Variants in AUTS2 observed in about 807,000 individuals in gnomAD.
The protein encoded by AUTS2 is activator of transcription and developmental regulator AUTS2.
Under a neutral mutation model 112.4 loss-of-function variants are expected in AUTS2, and 17 were observed. The ratio of observed to expected loss-of-function variants is 0.15; its 90% CI spans 0.10 to 0.23. The LOEUF is 0.23. Ranked by LOEUF, AUTS2 falls within the 10% of genes least tolerant of loss-of-function variation. The pLI is 1.00. For missense variants in AUTS2, 1,510 were observed against 1,701.6 expected (o/e 0.89, Z 1.98); for synonymous variants, 751 against 702.7 (o/e 1.07, Z -1.09).
At chr7:69,691,549 A>G (rs624626) in intron 1 of AUTS2, among the ~76,000 whole-genome samples, 108,262 of 151,834 alleles carry the variant, frequency 0.71, 38,656 homozygotes, top group East Asian at 0.78. Flanking sequence ...GGCAGTGCCC[A>G]GTCTCAGCCA....
intron 1 of AUTS2, among the ~76,000 whole-genome samples, chr7:69,785,244 G>A (rs1255797741): frequency 6.6e-6 from 1 of 152,192 alleles, no homozygotes; most frequent in African/African-American, 2.4e-5. Flanking sequence ...AGTTTTGAGG[G>A]TTTTCCAAGG....
chr7:70,107,438 G>T (rs1432347456), intron 2 of AUTS2, among the ~76,000 whole-genome samples: 1 of 146,802 alleles, frequency 6.8e-6, no homozygotes, highest in Non-Finnish European at 1.5e-5. Flanking sequence ...CCGTCTCCCA[G>T]GTTCAGGCAA....
chr7:70,687,839 C>T (rs1420025504), intron 5 of AUTS2, among the ~76,000 whole-genome samples: 2 of 152,174 alleles, frequency 1.3e-5, no homozygotes, highest in African/African-American at 2.4e-5. Context: ...AGCCCTGAAT[C>T]GCTAAGGAAG....
chr7:70,572,355 A>C (rs997326135), intron 5 of AUTS2, among the ~76,000 whole-genome samples: 1 of 151,058 alleles, frequency 6.6e-6, no homozygotes, highest in African/African-American at 2.4e-5. Flanking sequence ...ACTTGCTTCT[A>C]ATGAATTCCT....
chr7:70,187,818 T>C (rs1264687721), intron 4 of AUTS2, among the ~76,000 whole-genome samples: 1 of 150,434 alleles, frequency 6.6e-6, no homozygotes, highest in East Asian at 2.0e-4. Context: ...ACTAGTCTTC[T>C]TTTGGAATCA....
intron 2 of AUTS2, among the ~76,000 whole-genome samples, chr7:69,953,799 G>A (rs1394602249): frequency 6.6e-6 from 1 of 152,160 alleles, no homozygotes; most frequent in Non-Finnish European, 1.5e-5. Flanking sequence ...TGAGGAAGAG[G>A]TCTGAAGGTA....
intron 5 of AUTS2, among the ~76,000 whole-genome samples, chr7:70,697,133 A>AT (rs376917633): frequency 2.5e-4 from 37 of 150,710 alleles, no homozygotes; most frequent in South Asian, 6.3e-4. Context: ...TCCCATTAAC[A>AT]TTTTTTTTTG....
intron 4 of AUTS2, among the ~76,000 whole-genome samples, chr7:70,310,643 G>T (rs1304604743): frequency 6.6e-6 from 1 of 151,680 alleles, no homozygotes; most frequent in Non-Finnish European, 1.5e-5. Flanking sequence ...AGTCAGCTCA[G>T]TCCAGGCAGT....
At chr7:70,702,286 ATG>A (rs1809498941) in intron 6 of AUTS2, among the ~76,000 whole-genome samples, 1 of 152,208 alleles carries the variant, frequency 6.6e-6, no homozygotes, top group Non-Finnish European at 1.5e-5. Context: ...CAGTCCTGGC[ATG>A]TGGCTGTGGT....
chr7:70,505,018 A>G (rs1798909317), intron 5 of AUTS2, among the ~76,000 whole-genome samples: 1 of 152,236 alleles, frequency 6.6e-6, no homozygotes, highest in Non-Finnish European at 1.5e-5. Context: ...TACACTAAGC[A>G]ATCAGAGATT....
At chr7:70,308,845 GAATAA>G (rs1789606849) in intron 4 of AUTS2, among the ~76,000 whole-genome samples, 1 of 152,092 alleles carries the variant, frequency 6.6e-6, no homozygotes. Context: ...TCACTTGGCT[GAATAA>G]AATAAGAGGT....
chr7:69,891,774 C>CTTTTTTTTTTTTTTTTTTTT lies in AUTS2; in HGVS notation c.310-7494_310-7475dup, dbSNP rs763424098. Among the ~76,000 whole-genome samples the CTTTTTTTTTTTTTTTTTTTT allele has an allele frequency of 4.9e-4, 13 of 26,736 alleles. 5 individuals are homozygous for CTTTTTTTTTTTTTTTTTTTT. The highest frequency in any genetic ancestry group is 2.9e-3 in the East Asian group (2 of 682). The allele number at this position is 26,736 out of a possible 152,430, so 17.5% of individuals were successfully genotyped here. On this transcript the variant is annotated intron_variant, in intron 1 of 18. Transcript: ENST00000342771. ...ATTCATTCACTTTCCAGACAGATAT[C>CTTTTTTTTTTTTTTTTTTTT]TTTTTTTTTTTTTTTTTTTTTTTTT...
chr7:69,894,141 C>T (rs1173872085), intron 1 of AUTS2, among the ~76,000 whole-genome samples: 1 of 151,940 alleles, frequency 6.6e-6, no homozygotes, highest in African/African-American at 2.4e-5. Flanking sequence ...CTATTGACAG[C>T]CAATATGTCT....
chr7:70,686,971 C>G (rs1321867811), intron 5 of AUTS2, among the ~76,000 whole-genome samples: 1 of 152,208 alleles, frequency 6.6e-6, no homozygotes, highest in South Asian at 2.1e-4. Context: ...GACTGACTTA[C>G]ACATTGTGTT....
chr7:69,672,195 G>C (rs1157581677), intron 1 of AUTS2, among the ~76,000 whole-genome samples: 1 of 152,036 alleles, frequency 6.6e-6, no homozygotes, highest in African/African-American at 2.4e-5. Flanking sequence ...GAGTAGCTGA[G>C]ATCACAGGCA....
intron 2 of AUTS2, among the ~76,000 whole-genome samples, chr7:70,003,199 ATT>A (rs1563029225): frequency 1.5e-5 from 2 of 135,432 alleles, no homozygotes; most frequent in African/African-American, 5.5e-5. Flanking sequence ...ATATGAATAT[ATT>A]ATATATGAAT....
chr7:70,711,468 A>G (rs1467441084), intron 6 of AUTS2, among the ~76,000 whole-genome samples: 1 of 152,192 alleles, frequency 6.6e-6, no homozygotes, highest in African/African-American at 2.4e-5. Flanking sequence ...AAATACCTCC[A>G]CAATACCTGC....
At chr7:69,978,229 A>C (rs948533011) in intron 2 of AUTS2, among the ~76,000 whole-genome samples, 6 of 152,344 alleles carry the variant, frequency 3.9e-5, no homozygotes, top group Middle Eastern at 3.4e-3. Flanking sequence ...TATTATCACT[A>C]ACACATACAT....
intron 6 of AUTS2, chr7:70,729,328 C>A (rs1203968063): frequency 1.1e-5 from 4 of 370,160 alleles, no homozygotes; most frequent in Non-Finnish European, 2.2e-5. Context: ...GCCCCAAAGA[C>A]TGGTAATAGC....
Sources: gnomAD v4.1 joint callset for allele counts (sites outside exome capture counted in the v4.1 genomes callset) on GRCh38, gnomAD v4.1.1 for gene constraint, MANE v1.5 for transcripts, NCBI Gene and HGNC (gene_info 2026-07-23, HGNC 2026-07-21) for gene names.